BTBD9: variants seen among roughly 807,000 people sequenced by gnomAD.
The protein encoded by BTBD9 is BTB/POZ domain-containing protein 9.
BTBD9 carries 49 observed loss-of-function variants against 64.3 expected under a neutral mutation model. The ratio of observed to expected loss-of-function variants is 0.76; its 90% confidence interval spans 0.61 to 0.97. The LOEUF (loss-of-function observed/expected upper bound fraction) is 0.97, where lower values mean the gene tolerates loss of function less well. BTBD9 is among the 50% of genes least tolerant of loss of function. The pLI, the probability that BTBD9 is intolerant of heterozygous loss-of-function variation, is 0.00. For missense variants in BTBD9, 598 were observed against 762.1 expected (o/e 0.78, Z 2.53); for synonymous variants, 260 against 274.7 (o/e 0.95, Z 0.53).
intron 6 of BTBD9, among the ~76,000 whole-genome samples, chr6:38,470,423 G>A (rs1770598934): frequency 6.6e-6 from 1 of 152,300 alleles, no homozygotes; most frequent in South Asian, 2.1e-4. Flanking sequence ...GAAAATGGAA[G>A]CATAGGTTGA....
intron 8 of BTBD9, among the ~76,000 whole-genome samples, chr6:38,266,654 GA>G (rs1765011034): frequency 2.8e-5 from 3 of 108,874 alleles, no homozygotes; most frequent in East Asian, 4.4e-4. Context: ...AAGAAAGAAA[GA>G]AAGAAAGAAA....
At chr6:38,390,580 A>G (rs1369653926) in intron 6 of BTBD9, among the ~76,000 whole-genome samples, 1 of 152,214 alleles carries the variant, frequency 6.6e-6, no homozygotes, top group Non-Finnish European at 1.5e-5. Context: ...AGGTGAAATC[A>G]AGACAAAAAG....
intron 6 of BTBD9, among the ~76,000 whole-genome samples, chr6:38,466,194 C>A (rs1218562634): frequency 6.8e-6 from 1 of 147,934 alleles, no homozygotes; most frequent in East Asian, 2.0e-4. Flanking sequence ...TCATAGTACT[C>A]TTTATTAGTC....
chr6:38,304,826 C>T (rs542088495), intron 7 of BTBD9, among the ~76,000 whole-genome samples: 1 of 152,082 alleles, frequency 6.6e-6, no homozygotes, highest in Non-Finnish European at 1.5e-5. Context: ...AGAAAAGGAC[C>T]TAAGGCACAA....
At chr6:38,359,659 G>C (rs1562074356) in intron 6 of BTBD9, among the ~76,000 whole-genome samples, 1 of 152,150 alleles carries the variant, frequency 6.6e-6, no homozygotes. Context: ...CTTCCCTCTG[G>C]CCCGTCATTA....
chr6:38,619,524 A>G (rs1777914385), intron 1 of BTBD9, among the ~76,000 whole-genome samples: 1 of 152,212 alleles, frequency 6.6e-6, no homozygotes, highest in African/African-American at 2.4e-5. Context: ...TGCTGAGGCA[A>G]TCACTGGAAG....
At chr6:38,381,230 C>T (rs78366189) in intron 6 of BTBD9, among the ~76,000 whole-genome samples, 5,064 of 151,504 alleles carry the variant, frequency 0.033, 167 homozygotes, top group East Asian at 0.11. Flanking sequence ...ACGCTATTTA[C>T]AAGAAACAAT....
intron 6 of BTBD9, among the ~76,000 whole-genome samples, chr6:38,423,336 G>C (rs1041177294): frequency 1.3e-5 from 2 of 151,962 alleles, no homozygotes; most frequent in East Asian, 1.9e-4. Flanking sequence ...ATAGGGTTTT[G>C]TTCTGTTACC....
At chr6:38,637,971 AAGCC>A (rs1300059235) in intron 1 of BTBD9, among the ~76,000 whole-genome samples, 1 of 152,218 alleles carries the variant, frequency 6.6e-6, no homozygotes, top group Admixed American at 6.5e-5. Flanking sequence ...CCAACCTGCT[AAGCC>A]ATCTCTCTCC....
At chr6:38,468,152 T>G (rs1369635984) in intron 6 of BTBD9, among the ~76,000 whole-genome samples, 2 of 152,194 alleles carry the variant, frequency 1.3e-5, no homozygotes, top group African/African-American at 2.4e-5. Context: ...GTGCTGAGAT[T>G]ACAGGTGTAA....
intron 6 of BTBD9, among the ~76,000 whole-genome samples, chr6:38,555,647 C>G (rs1774980678): frequency 6.6e-6 from 1 of 152,136 alleles, no homozygotes; most frequent in Non-Finnish European, 1.5e-5. Context: ...TCCAAAAATA[C>G]CTGGACATCA....
At chr6:38,276,180 T>A (rs1358518652) in intron 8 of BTBD9, among the ~76,000 whole-genome samples, 1 of 152,156 alleles carries the variant, frequency 6.6e-6, no homozygotes, top group African/African-American at 2.4e-5. Context: ...TAAAAAATGA[T>A]GAGTTCATGT....
At chr6:38,240,924 A>G (rs868328484) in intron 9 of BTBD9, among the ~76,000 whole-genome samples, 6 of 152,238 alleles carry the variant, frequency 3.9e-5, no homozygotes, top group Non-Finnish European at 7.3e-5. Context: ...GAGAACACCA[A>G]CTCTGAAGTC....
chr6:38,201,020 T>TA (rs35328697), intron 9 of BTBD9, among the ~76,000 whole-genome samples: 54,851 of 150,550 alleles, frequency 0.36, 10,746 homozygotes, highest in Non-Finnish European at 0.44. Context: ...ACCCTGTCTA[T>TA]AAAAAAAATA....
At chr6:38,609,361 C>A (rs546774003) in intron 1 of BTBD9, among the ~76,000 whole-genome samples, 6 of 152,182 alleles carry the variant, frequency 3.9e-5, no homozygotes, top group African/African-American at 1.2e-4. Flanking sequence ...CAGGGCAAGA[C>A]CTTGTCTCAA....
chr6:38,475,491 C>T (rs1413979701), intron 6 of BTBD9, among the ~76,000 whole-genome samples: 1 of 152,182 alleles, frequency 6.6e-6, no homozygotes, highest in East Asian at 1.9e-4. Context: ...CATCTCAAAG[C>T]CTGCCCTCAA....
intron 6 of BTBD9, among the ~76,000 whole-genome samples, chr6:38,440,461 GT>G (rs1410321326): frequency 6.6e-6 from 1 of 152,204 alleles, no homozygotes; most frequent in Non-Finnish European, 1.5e-5. Context: ...CAGCACTGTG[GT>G]AATAATTGGT....
intron 6 of BTBD9, among the ~76,000 whole-genome samples, chr6:38,465,358 C>A (rs558564678): frequency 1.3e-5 from 2 of 150,840 alleles, no homozygotes; most frequent in Non-Finnish European, 2.9e-5. Context: ...TGGCTCACGC[C>A]TGTAATCCCA....
At chr6:38,485,564 G>A (rs894845212) in intron 6 of BTBD9, among the ~76,000 whole-genome samples, 7 of 152,158 alleles carry the variant, frequency 4.6e-5, no homozygotes, top group Admixed American at 4.6e-4. Flanking sequence ...CCAGGTACAT[G>A]GTCAATGAGC....
Sources: gnomAD v4.1 joint callset for allele counts (sites outside exome capture counted in the v4.1 genomes callset) on GRCh38, gnomAD v4.1.1 for gene constraint, MANE v1.5 for transcripts, NCBI Gene and HGNC (gene_info 2026-07-23, HGNC 2026-07-21) for gene names.